Variants in FNDC8 observed in about 807,000 individuals in gnomAD.
FNDC8 encodes the protein fibronectin type III domain-containing protein 8.
FNDC8 carries 23 observed loss-of-function variants against 24.8 expected under a neutral mutation model. The observed-to-expected ratio is 0.93, with a 90% confidence interval of 0.67 to 1.31. The LOEUF (loss-of-function observed/expected upper bound fraction) is 1.31. FNDC8 is among the 40% of genes most tolerant of loss of function. FNDC8 has a pLI of 0.00. For missense variants in FNDC8, 371 were observed against 398.2 expected (o/e 0.93, Z 0.58); for synonymous variants, 158 against 165.3 (o/e 0.96, Z 0.34).
At position 35,130,631 on chromosome 17, in the gene FNDC8, C is replaced by T; in HGVS notation, c.*197C>T. 2 of 586,276 alleles carry T rather than the reference C, an allele frequency of 3.4e-6. No individual in the cohort carries two copies. Among genetic ancestry groups the T allele is most frequent in the South Asian group, 2.1e-5 (1 of 46,692 alleles). 36.3% of individuals were successfully genotyped at this position (586,276 alleles called of 1,614,324 possible). On this transcript the variant is annotated 3_prime_UTR_variant, in exon 4 of 4. Coordinates refer to ENST00000158009, the MANE Select transcript of FNDC8 (RefSeq NM_017559.4). Reference sequence around the variant, plus strand: ...TCACCTGGAGGCATCTCAGGCCAGGCCATGCCAGGCTCAGCCACTGCCCAC... The same window carrying T: ...TCACCTGGAGGCATCTCAGGCCAGGTCATGCCAGGCTCAGCCACTGCCCAC...
intron 3 of FNDC8, 101 bp from the exon 4 acceptor site, chr17:35,130,181 T>C: frequency 6.6e-7 from 1 of 1,506,448 alleles, no homozygotes; most frequent in Non-Finnish European, 8.8e-7. Context: ...CTGTTTAAGG[T>C]CTGAGTCAGC....
At chr17:35,125,972 G>A (rs2091847734) in intron 1 of FNDC8, among the ~76,000 whole-genome samples, 1 of 152,170 alleles carries the variant, frequency 6.6e-6, no homozygotes, top group African/African-American at 2.4e-5. Context: ...CCAGGCTGGA[G>A]TGCAGTGGCA....
At chr17:35,126,714 G>A (rs2091850659) in intron 1 of FNDC8, among the ~76,000 whole-genome samples, 2 of 152,088 alleles carry the variant, frequency 1.3e-5, no homozygotes, top group South Asian at 4.1e-4. Flanking sequence ...TGTTGGCCAG[G>A]CTGGTCTGTA....
chr17:35,126,230 T>C (rs186849681), intron 1 of FNDC8, among the ~76,000 whole-genome samples: 1 of 152,144 alleles, frequency 6.6e-6, no homozygotes, highest in African/African-American at 2.4e-5. Flanking sequence ...CCCATATATG[T>C]ATTTGTATTT....
chr17:35,126,991 G>C lies in FNDC8; in HGVS notation c.210-51G>C, dbSNP rs770412564. On this transcript the variant is annotated intron_variant, in intron 1 of 3. Transcript: ENST00000158009. ...CCAAGGCCTGCCCTCAGGTGGAACG[G>C]GCTGGGGTGGCCTCCTTCATCTGAT... is the stretch of plus-strand genomic sequence containing the variant. 45 of 1,531,406 alleles carry C rather than the reference G, an allele frequency of 2.9e-5. No homozygotes were observed. In the South Asian group the frequency reaches 5.4e-4, roughly 18 times the overall value. 94.9% of individuals were successfully genotyped at this position (1,531,406 alleles called of 1,614,324 possible).
Position 35,127,108 on chromosome 17 carries a change from C to T in FNDC8, c.276C>T (p.Ser92=). The T allele has an allele frequency of 6.2e-7, 1 of 1,614,078 alleles. No individual in the cohort carries two copies. Among genetic ancestry groups the T allele is most frequent in the Non-Finnish European group, 8.5e-7 (1 of 1,179,962 alleles). ...AGACCAGCATCTCTGCCTTCTCATC[C>T]ACCTTGCTGAACCCCATCAAATTAG... is the stretch of plus-strand genomic sequence containing the variant. ...SDETSISAFS[S]TLLNPIKLAV... Residue 92 remains serine (S), a synonymous_variant, in exon 2 of 4, where the codon TCC becomes TCT. Coordinates refer to ENST00000158009, the MANE Select transcript of FNDC8 (RefSeq NM_017559.4).
intron 1 of FNDC8, among the ~76,000 whole-genome samples, chr17:35,122,870 G>A (rs1424842813): frequency 6.6e-6 from 1 of 152,248 alleles, no homozygotes; most frequent in Non-Finnish European, 1.5e-5. Context: ...AGGGGTGAAA[G>A]GATGGGGATC....
chr17:35,127,972 G>A (rs558609786), intron 2 of FNDC8, among the ~76,000 whole-genome samples: 442 of 152,278 alleles, frequency 2.9e-3, no homozygotes, highest in South Asian at 0.01. Context: ...GTGGCTCCCC[G>A]TCCGCGGGCT....
At chr17:35,124,223 A>G (rs2091840707) in intron 1 of FNDC8, among the ~76,000 whole-genome samples, 1 of 152,216 alleles carries the variant, frequency 6.6e-6, no homozygotes, top group African/African-American at 2.4e-5. Context: ...CTAGTTGGTG[A>G]AGACCACTAT....
rs780474488 is a variant in FNDC8 at position 35,127,115 on chromosome 17, C to T, written c.283C>T (p.Leu95=). The part of the protein sequence containing the change: ...TSISAFSSTL[L]NPIKLAVTQP... ...CATCTCTGCCTTCTCATCCACCTTGCTGAACCCCATCAAATTAGCTGTGAC... is the reference window on the plus strand; with the variant it reads ...CATCTCTGCCTTCTCATCCACCTTGTTGAACCCCATCAAATTAGCTGTGAC... The change falls in exon 2 of 4, where the codon CTG becomes TTG. Residue 95 remains leucine (L), a synonymous_variant. Coordinates refer to ENST00000158009, the MANE Select transcript of FNDC8 (RefSeq NM_017559.4). The T allele has an allele frequency of 2.5e-6, 4 of 1,614,200 alleles. No individual in the cohort carries two copies. The highest frequency in any genetic ancestry group is 3.4e-6 in the Non-Finnish European group (4 of 1,180,018).
intron 1 of FNDC8, among the ~76,000 whole-genome samples, chr17:35,122,645 T>A (rs1461357641): frequency 6.6e-6 from 1 of 152,134 alleles, no homozygotes; most frequent in Admixed American, 6.5e-5. Flanking sequence ...CTCTCTTTGG[T>A]ACCTTCATCT....
intron 1 of FNDC8, among the ~76,000 whole-genome samples, chr17:35,123,976 AC>A (rs1326767542): frequency 6.6e-6 from 1 of 152,228 alleles, no homozygotes; most frequent in Non-Finnish European, 1.5e-5. Flanking sequence ...TGACATTAAT[AC>A]CCAGACTCTT....
At chr17:35,126,040 C>A (rs2091848049) in intron 1 of FNDC8, among the ~76,000 whole-genome samples, 2 of 152,130 alleles carry the variant, frequency 1.3e-5, no homozygotes, top group African/African-American at 2.4e-5. Context: ...CCCACCTCAG[C>A]CTTCCAAGTA....
rs762100704 is a variant in FNDC8 at position 35,130,347 on chromosome 17, G to A, written c.888G>A (p.Arg296=). ...ACTACCCCATCCAGATCACCGTGCG[G>A]CGCAAGGAACCCCGGCAAAAGATCG... ...PENYPIQITV[R]RKEPRQKIVS... is the part of the protein sequence containing the mutation. Residue 296 remains arginine, a synonymous_variant, in exon 4 of 4, where the codon CGG becomes CGA. Coordinates refer to ENST00000158009, the MANE Select transcript of FNDC8 (RefSeq NM_017559.4). The A allele has an allele frequency of 1.2e-6, 2 of 1,614,160 alleles. No homozygotes were observed. The highest frequency in any genetic ancestry group is 1.7e-6 in the Non-Finnish European group (2 of 1,180,012).
At chr17:35,126,661 C>G (rs1203604296) in intron 1 of FNDC8, among the ~76,000 whole-genome samples, 1 of 152,088 alleles carries the variant, frequency 6.6e-6, no homozygotes, top group Non-Finnish European at 1.5e-5. Flanking sequence ...AACCACCGCA[C>G]TCAGCCAATT....
At position 35,121,885 on chromosome 17, in the gene FNDC8, T is replaced by A; in HGVS notation, c.192T>A (p.Asp64Glu). ...GCAATTTGGTCAACTTCTTGGAGGA[T>A]GATACCATCAACCTACTGTAAGTCA... The part of the protein sequence containing the change: ...SKGNLVNFLE[D>E]DTINLLKPLP... Residue 64 changes from aspartate to glutamate, a missense_variant, in exon 1 of 4, where the codon GAT becomes GAA. Transcript: ENST00000158009. 10 of 1,613,368 alleles carry A rather than the reference T, an allele frequency of 6.2e-6. No individual in the cohort carries two copies. The highest frequency in any genetic ancestry group is 8.5e-6 in the Non-Finnish European group (10 of 1,179,854).
chr17:35,129,272 C>A, intron 2 of FNDC8, 150 bp from the exon 3 acceptor site: 1 of 964,456 alleles, frequency 1.0e-6, no homozygotes, highest in Non-Finnish European at 1.6e-6. Flanking sequence ...ACACTCAGTG[C>A]TGCAGTACCT....
chr17:35,128,524 G>C (rs904749387), intron 2 of FNDC8, among the ~76,000 whole-genome samples: 22 of 152,312 alleles, frequency 1.4e-4, no homozygotes, highest in African/African-American at 5.3e-4. Context: ...ATGGGCTCTG[G>C]AGCTATGGGT....
Position 35,127,337 on chromosome 17 carries a change from CA to C in FNDC8, c.506del (p.His169ProfsTer27). On this transcript the variant is annotated frameshift_variant, in exon 2 of 4. Coordinates refer to ENST00000158009, the MANE Select transcript of FNDC8 (RefSeq NM_017559.4). LOFTEE classifies it high-confidence loss of function. Reference protein sequence around the residue: ...PELETETSSTHSESSVVVDLP... With the variant: ...PELETETSSTXSESSVVVDLP... ...GCTGGAGACAGAAACCTCCTCAACG[CA>C]CTCAGAATCTTCTGTGGTTGTGGAC... is the stretch of plus-strand genomic sequence containing the variant. 6.2e-7 allele frequency: 1 copy of C among 1,609,644 alleles called. No homozygotes were observed. The highest frequency in any genetic ancestry group is 8.5e-7 in the Non-Finnish European group (1 of 1,178,188).
Sources: gnomAD v4.1 joint callset for allele counts (sites outside exome capture counted in the v4.1 genomes callset) on GRCh38, gnomAD v4.1.1 for gene constraint, MANE v1.5 for transcripts, NCBI Gene and HGNC (gene_info 2026-07-23, HGNC 2026-07-21) for gene names.